Variants in ZBTB7C observed in about 807,000 individuals in gnomAD.
ZBTB7C encodes zinc finger and BTB domain containing 7C.
Under a neutral mutation model 25.7 loss-of-function variants are expected in ZBTB7C, and 8 were observed. That is an observed-to-expected ratio of 0.31 (90% CI 0.18 to 0.56). The LOEUF (loss-of-function observed/expected upper bound fraction) is 0.56, where lower values mean the gene tolerates loss of function less well. ZBTB7C is among the 20% of genes least tolerant of loss of function. The pLI, the probability that ZBTB7C is intolerant of heterozygous loss-of-function variation, is 0.91. For missense variants in ZBTB7C, 824 were observed against 855.2 expected (o/e 0.96, Z 0.46); for synonymous variants, 394 against 369.0 (o/e 1.07, Z -0.78).
intron 1 of ZBTB7C, among the ~76,000 whole-genome samples, chr18:48,357,187 T>C (rs1408699195): frequency 6.6e-6 from 1 of 152,118 alleles, no homozygotes; most frequent in Non-Finnish European, 1.5e-5. Context: ...AGAGAACATA[T>C]AGATTCTGAT....
At chr18:48,189,261 T>C (rs1295769212) in intron 2 of ZBTB7C, among the ~76,000 whole-genome samples, 1 of 152,236 alleles carries the variant, frequency 6.6e-6, no homozygotes, top group African/African-American at 2.4e-5. Flanking sequence ...CAATAAACAA[T>C]TGAGCATTTA....
chr18:48,249,741 G>T (rs565899992), intron 2 of ZBTB7C, among the ~76,000 whole-genome samples: 5 of 152,238 alleles, frequency 3.3e-5, no homozygotes, highest in African/African-American at 9.6e-5. Context: ...CTATCAATTT[G>T]TACATAGCCC....
At chr18:48,146,913 T>G (rs995707923) in intron 3 of ZBTB7C, among the ~76,000 whole-genome samples, 6 of 152,204 alleles carry the variant, frequency 3.9e-5, no homozygotes, top group Non-Finnish European at 7.3e-5. Context: ...CTATGGCCAT[T>G]TTAAGTTATC....
At chr18:48,362,158 A>C (rs1423232703) in intron 1 of ZBTB7C, among the ~76,000 whole-genome samples, 1 of 152,214 alleles carries the variant, frequency 6.6e-6, no homozygotes, top group African/African-American at 2.4e-5. Context: ...TCACTGACAG[A>C]GCAGAGCCCC....
chr18:48,076,100 C>G (rs1328740087), intron 3 of ZBTB7C, among the ~76,000 whole-genome samples: 1 of 152,192 alleles, frequency 6.6e-6, no homozygotes, highest in Non-Finnish European at 1.5e-5. Context: ...GGGCAAGGTG[C>G]TGCAAGAATG....
At chr18:48,167,005 C>T (rs2041270922) in intron 3 of ZBTB7C, among the ~76,000 whole-genome samples, 1 of 152,178 alleles carries the variant, frequency 6.6e-6, no homozygotes, top group Non-Finnish European at 1.5e-5. Context: ...AGAGCCTGCT[C>T]AGCCCTGCCC....
chr18:48,358,474 C>T (rs1026438287), intron 1 of ZBTB7C, among the ~76,000 whole-genome samples: 10 of 152,236 alleles, frequency 6.6e-5, no homozygotes, highest in East Asian at 3.8e-4. Context: ...TGAGGCCTCA[C>T]CAGAAGCAGA....
intron 3 of ZBTB7C, among the ~76,000 whole-genome samples, chr18:48,066,854 C>A (rs1197595139): frequency 6.6e-6 from 1 of 152,194 alleles, no homozygotes; most frequent in Non-Finnish European, 1.5e-5. Context: ...GTAATCCTAG[C>A]ACTTTGGGAG....
At chr18:48,062,914 A>AG (rs1281049538) in intron 3 of ZBTB7C, among the ~76,000 whole-genome samples, 1 of 152,364 alleles carries the variant, frequency 6.6e-6, no homozygotes, top group African/African-American at 2.4e-5. Flanking sequence ...AGGGAGCCAC[A>AG]GTGACTGCGC....
At chr18:48,371,568 G>A (rs575157959) in intron 1 of ZBTB7C, among the ~76,000 whole-genome samples, 2 of 152,356 alleles carry the variant, frequency 1.3e-5, no homozygotes, top group East Asian at 1.9e-4. Flanking sequence ...CTGCCAATGG[G>A]CAGGATAACC....
intron 1 of ZBTB7C, among the ~76,000 whole-genome samples, chr18:48,393,798 T>C (rs768577528): frequency 5.3e-5 from 8 of 152,198 alleles, no homozygotes; most frequent in Non-Finnish European, 1.0e-4. Flanking sequence ...GGAACCATGC[T>C]GCTTCAGTCA....
chr18:48,230,381 T>C (rs979375376), intron 2 of ZBTB7C, among the ~76,000 whole-genome samples: 1 of 152,204 alleles, frequency 6.6e-6, no homozygotes, highest in African/African-American at 2.4e-5. Flanking sequence ...ACAGGACAGT[T>C]GGGCTTAAAC....
At chr18:48,111,699 G>T (rs776122460) in intron 3 of ZBTB7C, among the ~76,000 whole-genome samples, 1 of 152,162 alleles carries the variant, frequency 6.6e-6, no homozygotes, top group African/African-American at 2.4e-5. Context: ...TGGGGTTTTC[G>T]TGTGGACGGG....
At chr18:48,396,570 G>T (rs1009394301) in intron 1 of ZBTB7C, among the ~76,000 whole-genome samples, 4 of 152,216 alleles carry the variant, frequency 2.6e-5, no homozygotes, top group Admixed American at 6.5e-5. Context: ...CTAGGACAGA[G>T]AAACCTTGAG....
intron 4 of ZBTB7C, among the ~76,000 whole-genome samples, chr18:48,032,495 T>C (rs549378538): frequency 4.6e-5 from 6 of 131,180 alleles, no homozygotes; most frequent in African/African-American, 1.7e-4. Context: ...AGTGCAGTGG[T>C]GCGATCTTGG....
chr18:48,285,334 A>G (rs1178759859), intron 2 of ZBTB7C, among the ~76,000 whole-genome samples: 1 of 152,204 alleles, frequency 6.6e-6, no homozygotes, highest in Non-Finnish European at 1.5e-5. Flanking sequence ...GCACATAAAG[A>G]TTCATGATTA....
chr18:48,173,696 A>G (rs1469016234), intron 3 of ZBTB7C, among the ~76,000 whole-genome samples: 3 of 152,234 alleles, frequency 2.0e-5, no homozygotes, highest in African/African-American at 7.2e-5. Flanking sequence ...GCACCTCCTT[A>G]AATTTTACAC....
At chr18:48,391,952 G>A (rs925216172) in intron 1 of ZBTB7C, among the ~76,000 whole-genome samples, 9 of 152,288 alleles carry the variant, frequency 5.9e-5, no homozygotes, top group African/African-American at 1.9e-4. Context: ...CAGTTGTCCC[G>A]GCCACAACTG....
rs768898734 is a variant in ZBTB7C at position 48,040,580 on chromosome 18, G to A, written c.528C>T (p.Asn176=). ...DDTEDFADQE[N]LPDPQDISCH... is the part of the protein sequence containing the mutation. Reference sequence around the variant, plus strand: ...AGCTGATGTCCTGGGGGTCAGGCAAGTTTTCTTGGTCAGCAAAGTCCTCCG... The same window carrying A: ...AGCTGATGTCCTGGGGGTCAGGCAAATTTTCTTGGTCAGCAAAGTCCTCCG... The change falls in exon 4 of 5, where the codon AAC becomes AAT. Residue 176 remains asparagine, a synonymous_variant. Coordinates refer to ENST00000590800, the MANE Select transcript of ZBTB7C (RefSeq NM_001318841.2). 2.5e-6 allele frequency: 4 copies of A among 1,614,028 alleles called. No homozygotes were observed. The highest frequency in any genetic ancestry group is 1.1e-5 in the South Asian group (1 of 91,068).
Sources: allele counts gnomAD v4.1 joint callset (sites outside exome capture counted in the v4.1 genomes callset), GRCh38; gene constraint gnomAD v4.1.1; transcripts MANE v1.5; gene names NCBI Gene and HGNC (gene_info 2026-07-23, HGNC 2026-07-21).